Variants in SPPL2B observed in about 807,000 individuals in gnomAD.
SPPL2B encodes the protein signal peptide peptidase-like 2B.
In SPPL2B, 39 loss-of-function variants were observed where a neutral mutation model predicts 59.7. That is an observed-to-expected ratio of 0.65 (90% CI 0.51 to 0.85). The LOEUF is 0.85. SPPL2B is among the 40% of genes least tolerant of loss of function. SPPL2B has a pLI of 0.00. For synonymous variants in SPPL2B, 419 were observed against 370.8 expected (o/e 1.13, Z -1.49); for missense variants, 865 against 849.0 (o/e 1.02, Z -0.23).
chr19:2,350,383 ACTCG>A (rs1197274828), intron 13 of SPPL2B, among the ~76,000 whole-genome samples: 1 of 133,118 alleles, frequency 7.5e-6, no homozygotes. Context: ...CTCCACACAC[ACTCG>A]CGTTCTCATT....
chr19:2,345,434 C>G, intron 13 of SPPL2B, 104 bp downstream of exon 13: 1 of 945,126 alleles, frequency 1.1e-6, no homozygotes, highest in Non-Finnish European at 1.7e-6. Context: ...CAACCCTAAC[C>G]CTAATTCCAA....
chr19:2,333,259 C>T (rs1968383426), intron 1 of SPPL2B, among the ~76,000 whole-genome samples: 1 of 131,048 alleles, frequency 7.6e-6, no homozygotes, highest in African/African-American at 2.9e-5. Flanking sequence ...GGACTGGGCT[C>T]TGCTGGGAGG....
intron 3 of SPPL2B, chr19:2,338,503 G>T: frequency 2.1e-6 from 1 of 473,382 alleles, no homozygotes; most frequent in Non-Finnish European, 3.8e-6. Flanking sequence ...CCGAGGGAGG[G>T]ATTAGTGGCG....
intron 13 of SPPL2B, among the ~76,000 whole-genome samples, chr19:2,348,598 C>T (rs1383678433): frequency 4.0e-5 from 6 of 149,126 alleles, no homozygotes; most frequent in Non-Finnish European, 8.9e-5. Context: ...CACTCTCATT[C>T]GCCTGATTCC....
chr19:2,341,728 C>G (rs762679964), intron 8 of SPPL2B: 2 of 402,338 alleles, frequency 5.0e-6, no homozygotes, highest in South Asian at 3.4e-5. Flanking sequence ...ATTTTGAATC[C>G]TTTGTACACA....
At chr19:2,350,365 TTCTC>T (rs145535076) in intron 13 of SPPL2B, among the ~76,000 whole-genome samples, 14,934 of 135,726 alleles carry the variant, frequency 0.11, 861 homozygotes, top group Middle Eastern at 0.23. Context: ...CTTGATTCCG[TTCTC>T]TCTCTCCACA....
intron 13 of SPPL2B, among the ~76,000 whole-genome samples, chr19:2,349,625 C>T (rs1394567097): frequency 4.1e-5 from 2 of 49,008 alleles, no homozygotes; most frequent in Non-Finnish European, 7.0e-5. Flanking sequence ...CACACACACG[C>T]GCTCTCATTC....
intron 2 of SPPL2B, among the ~76,000 whole-genome samples, chr19:2,336,399 T>C (rs1021650128): frequency 6.6e-6 from 1 of 152,072 alleles, no homozygotes; most frequent in African/African-American, 2.4e-5. Flanking sequence ...TCTGTGTGTA[T>C]GTGTGTGTAC....
At chr19:2,351,834 G>C (rs537652204) in intron 14 of SPPL2B, among the ~76,000 whole-genome samples, 1 of 149,836 alleles carries the variant, frequency 6.7e-6, no homozygotes, top group African/African-American at 2.5e-5. Flanking sequence ...CGGGTGGGAC[G>C]CGGGGGTGCC....
chr19:2,348,556 G>A (rs1444787796), intron 13 of SPPL2B, among the ~76,000 whole-genome samples: 5 of 126,742 alleles, frequency 3.9e-5, no homozygotes, highest in Admixed American at 8.7e-5. Context: ...TCTCATTCGC[G>A]TGATTCCGTT....
Position 2,332,312 on chromosome 19 carries a change from G to A in SPPL2B, c.67-2290G>A, listed in dbSNP as rs959032706. Among the ~76,000 whole-genome samples the A allele has an allele frequency of 1.8e-4, 28 of 152,228 alleles. No homozygotes were observed. The highest frequency in any genetic ancestry group is 2.4e-5 in the African/African-American group (1 of 41,460). On this transcript the variant is annotated intron_variant, in intron 1 of 14. Coordinates refer to ENST00000613503, the MANE Select transcript of SPPL2B (RefSeq NM_152988.3). The surrounding 1 kb of genome is among the most constrained non-coding windows in gnomAD (Gnocchi z 4.6). Reference sequence around the variant, plus strand: ...GGAGACTTTGCATGATTTCAGTGATGAGGGCCCGGCTGTTGGAGAGCCCGT... The same window carrying A: ...GGAGACTTTGCATGATTTCAGTGATAAGGGCCCGGCTGTTGGAGAGCCCGT...
intron 14 of SPPL2B, among the ~76,000 whole-genome samples, chr19:2,351,984 G>A (rs368487630): frequency 9.2e-5 from 14 of 152,176 alleles, no homozygotes; most frequent in African/African-American, 2.4e-4. Context: ...CTCTCCTGCC[G>A]AGAGCGAGGC....
intron 2 of SPPL2B, among the ~76,000 whole-genome samples, chr19:2,336,557 A>G (rs1968628171): frequency 6.6e-6 from 1 of 150,776 alleles, no homozygotes; most frequent in African/African-American, 2.4e-5. Context: ...ATGTGTGTGT[A>G]ATAGGTGTGT....
At chr19:2,346,868 C>A (rs1020096432) in intron 13 of SPPL2B, among the ~76,000 whole-genome samples, 35 of 152,064 alleles carry the variant, frequency 2.3e-4, no homozygotes, top group Non-Finnish European at 4.3e-4. Context: ...TAAAATGGAC[C>A]AATAGGGACG....
At chr19:2,329,861 T>C (rs1444096258) in intron 1 of SPPL2B, among the ~76,000 whole-genome samples, 1 of 152,164 alleles carries the variant, frequency 6.6e-6, no homozygotes, top group East Asian at 1.9e-4. Flanking sequence ...CACTCTCTAG[T>C]CTTTTCTCTT....
intron 14 of SPPL2B, among the ~76,000 whole-genome samples, chr19:2,352,140 G>A (rs956279353): frequency 1.3e-5 from 2 of 151,800 alleles, no homozygotes; most frequent in Non-Finnish European, 2.9e-5. Context: ...CTTACGCCAC[G>A]TCGGTTCTGC....
chr19:2,352,674 G>A (rs1319897002), intron 14 of SPPL2B, among the ~76,000 whole-genome samples: 1 of 152,024 alleles, frequency 6.6e-6, no homozygotes, highest in South Asian at 2.1e-4. Context: ...GGCGAGAGAC[G>A]GTAGTCCAGG....
rs1491212839 is a variant in SPPL2B, at chr19:2,353,466, ACC to A, written c.*258_*259del. ...AGCTCTCTGCGGGTCCATCCTCCCC[ACC>A]GGGGTCCGTCCTCGCAGGCCCTGCC... On this transcript the variant is annotated 3_prime_UTR_variant, in exon 15 of 15. Transcript: ENST00000613503. 0.55 allele frequency: 283,270 copies of A among 516,126 alleles called. 82,198 individuals are homozygous for A. The highest frequency in any genetic ancestry group is 0.61 in the Non-Finnish European group (179,612 of 293,462). The allele number at this position is 516,126 out of a possible 1,614,324, so 32.0% of individuals were successfully genotyped here. A position where few individuals can be genotyped will look rare whatever the true frequency, so the allele number is the denominator to read the frequency against.
intron 13 of SPPL2B, among the ~76,000 whole-genome samples, chr19:2,348,895 C>T (rs1969688109): frequency 8.0e-6 from 1 of 125,356 alleles, no homozygotes. Context: ...TCTCTCTCCA[C>T]ACACACTCAC....
Sources: gnomAD v4.1 joint callset for allele counts (sites outside exome capture counted in the v4.1 genomes callset) on GRCh38, gnomAD v4.1.1 for gene constraint, Gnocchi (gnomAD v3.1) non-coding constraint, MANE v1.5 for transcripts, NCBI Gene and HGNC (gene_info 2026-07-23, HGNC 2026-07-21) for gene names.